RAD51B: variants seen among roughly 807,000 people sequenced by gnomAD.
RAD51B encodes DNA repair protein RAD51 homolog 2.
In RAD51B, 38 loss-of-function variants were observed where a neutral mutation model predicts 42.2. That is an observed-to-expected ratio of 0.90 (90% confidence interval 0.70 to 1.18). The LOEUF (loss-of-function observed/expected upper bound fraction) is 1.18, where lower values mean the gene tolerates loss of function less well. RAD51B is among the 50% of genes most tolerant of loss of function. The probability of loss-of-function intolerance (pLI) is 0.00; values close to 1 mark genes in which losing one functional copy is unlikely to be tolerated. For synonymous variants in RAD51B, 154 were observed against 145.2 expected (o/e 1.06, Z -0.43); for missense variants, 373 against 400.7 (o/e 0.93, Z 0.59).
chr14:67,884,862 C>T (rs2043016307), intron 5 of RAD51B, among the ~76,000 whole-genome samples: 1 of 152,056 alleles, frequency 6.6e-6, no homozygotes, highest in Non-Finnish European at 1.5e-5. Flanking sequence ...CTGTTTTGGG[C>T]TTTTCTCTTT....
chr14:68,454,540 A>G (rs1026867017), intron 9 of RAD51B, among the ~76,000 whole-genome samples: 2 of 152,180 alleles, frequency 1.3e-5, no homozygotes, highest in African/African-American at 2.4e-5. Context: ...AACAATCTTT[A>G]TTTGTGGCAT....
intron 7 of RAD51B, among the ~76,000 whole-genome samples, chr14:67,890,600 A>T: frequency 7.3e-6 from 1 of 137,566 alleles, no homozygotes; most frequent in Non-Finnish European, 1.6e-5. Flanking sequence ...TCCCAGTGCT[A>T]TCCCTCCCCC....
intron 7 of RAD51B, among the ~76,000 whole-genome samples, chr14:68,154,489 A>G (rs1339544958): frequency 6.6e-6 from 1 of 152,172 alleles, no homozygotes; most frequent in Non-Finnish European, 1.5e-5. Context: ...CCTTACATGC[A>G]TGCACTAATC....
At chr14:68,518,554 GCC>G (rs11341781) in intron 10 of RAD51B, among the ~76,000 whole-genome samples, 2 of 137,466 alleles carry the variant, frequency 1.5e-5, no homozygotes, top group South Asian at 2.4e-4. Flanking sequence ...GGTCATATGA[GCC>G]CCCCCCCCAG....
chr14:68,357,878 T>C (rs2082941206), intron 8 of RAD51B, among the ~76,000 whole-genome samples: 1 of 152,238 alleles, frequency 6.6e-6, no homozygotes. Flanking sequence ...CCTTCCTCAC[T>C]AAGCTTAATC....
At chr14:68,215,151 A>G (rs1175474190) in intron 7 of RAD51B, among the ~76,000 whole-genome samples, 1 of 152,206 alleles carries the variant, frequency 6.6e-6, no homozygotes, top group Non-Finnish European at 1.5e-5. Flanking sequence ...CTATATTCTT[A>G]ATATGGCCTT....
chr14:68,206,482 G>A (rs927554499), intron 7 of RAD51B, among the ~76,000 whole-genome samples: 11 of 152,040 alleles, frequency 7.2e-5, no homozygotes, highest in South Asian at 2.1e-4. Flanking sequence ...TTCCACATTC[G>A]CCTGTCAACA....
chr14:68,596,741 C>T (rs1197164044), downstream of RAD51B, among the ~76,000 whole-genome samples: 2 of 152,390 alleles, frequency 1.3e-5, no homozygotes, highest in East Asian at 3.9e-4. Flanking sequence ...TACTCCTCAT[C>T]ACCATCTCCT....
chr14:68,611,265 C>A, exon 11 of RAD51B: 1 of 702,224 alleles, frequency 1.4e-6, no homozygotes, highest in Non-Finnish European at 2.6e-6. Flanking sequence ...TAGTTTTTCA[C>A]CACGACTTCC....
intron 7 of RAD51B, among the ~76,000 whole-genome samples, chr14:68,105,451 T>C (rs1021179959): frequency 3.3e-5 from 5 of 152,018 alleles, no homozygotes; most frequent in African/African-American, 1.2e-4. Flanking sequence ...AATTTCAGGT[T>C]GTTAATAAGA....
chr14:68,450,718 A>T (rs1256501537), intron 9 of RAD51B, among the ~76,000 whole-genome samples: 2 of 152,158 alleles, frequency 1.3e-5, no homozygotes, highest in Admixed American at 1.3e-4. Flanking sequence ...TATGGTGAAC[A>T]TGTGGTATTT....
intron 7 of RAD51B, among the ~76,000 whole-genome samples, chr14:68,183,194 C>G (rs900416015): frequency 6.6e-6 from 1 of 152,176 alleles, no homozygotes; most frequent in South Asian, 2.1e-4. Context: ...AGCAAGGAAG[C>G]CAGTCCAAGT....
intron 9 of RAD51B, among the ~76,000 whole-genome samples, chr14:68,428,302 G>A (rs948350347): frequency 6.6e-6 from 1 of 152,188 alleles, no homozygotes; most frequent in African/African-American, 2.4e-5. Flanking sequence ...TCTAGCCACA[G>A]ACACAATCCT....
At chr14:68,100,588 T>C (rs1296709367) in intron 7 of RAD51B, among the ~76,000 whole-genome samples, 2 of 152,186 alleles carry the variant, frequency 1.3e-5, no homozygotes, top group Non-Finnish European at 2.9e-5. Context: ...CCTTATTTAC[T>C]GGGTATGGAC....
At chr14:68,021,084 C>T (rs1433661384) in intron 7 of RAD51B, among the ~76,000 whole-genome samples, 2 of 152,218 alleles carry the variant, frequency 1.3e-5, no homozygotes, top group South Asian at 2.1e-4. Context: ...GGACCTTACA[C>T]TGTGTCTGCC....
intron 3 of RAD51B, among the ~76,000 whole-genome samples, chr14:67,833,945 T>C (rs1393496898): frequency 2.0e-5 from 3 of 152,258 alleles, no homozygotes; most frequent in African/African-American, 7.2e-5. Context: ...AATCTGAGTA[T>C]GTCTTTGAAA....
At chr14:68,176,522 C>CATT (rs1446441443) in intron 7 of RAD51B, among the ~76,000 whole-genome samples, 4 of 152,162 alleles carry the variant, frequency 2.6e-5, no homozygotes, top group Admixed American at 6.5e-5. Context: ...ACTCAATCAT[C>CATT]ATTAGATGAT....
chr14:68,648,049 AGATGTG>A (rs1566963456), intron 10 of RAD51B, among the ~76,000 whole-genome samples: 2 of 132,938 alleles, frequency 1.5e-5, no homozygotes, highest in African/African-American at 5.9e-5. Context: ...ACACGTATAT[AGATGTG>A]TGTGTGTATA....
intron 10 of RAD51B, among the ~76,000 whole-genome samples, chr14:68,607,131 A>C (rs949321219): frequency 1.3e-5 from 2 of 152,222 alleles, no homozygotes; most frequent in African/African-American, 4.8e-5. Context: ...TTCCAGGGTC[A>C]TGCGGGCGGG....
Sources: allele counts gnomAD v4.1 joint callset (sites outside exome capture counted in the v4.1 genomes callset), GRCh38; gene constraint gnomAD v4.1.1; transcripts MANE v1.5; gene names NCBI Gene and HGNC (gene_info 2026-07-23, HGNC 2026-07-21).